Variants in SLC7A2 observed in about 807,000 individuals in gnomAD.
SLC7A2 encodes solute carrier family 7 member 2, also known as cationic amino acid transporter 2.
A neutral mutation model predicts 58.9 loss-of-function variants in SLC7A2; 48 were observed. That is an observed-to-expected ratio of 0.82 (90% CI 0.65 to 1.04). The LOEUF (loss-of-function observed/expected upper bound fraction) is 1.04, where lower values mean the gene tolerates loss of function less well. Among genes scored for constraint, SLC7A2 ranks in the 50% least tolerant of loss-of-function variants. The pLI is 0.00. For synonymous variants in SLC7A2, 363 were observed against 314.5 expected, an observed-to-expected ratio of 1.15 and a Z score of -1.63; for missense variants, 1,029 against 818.8, an observed-to-expected ratio of 1.26 and a Z score of -3.13.
rs576268892 is a variant in SLC7A2, at chr8:17,532,845, G to A, written c.-22-10473G>A. ...AAATATATCCATATACACATATATC[G>A]TACTACTCATGGAGTTTCTCAAATT... is the stretch of plus-strand genomic sequence containing the variant. On this transcript the variant is annotated intron_variant, in intron 2 of 12. Transcript: ENST00000494857. Among the ~76,000 whole-genome samples the A allele has an allele frequency of 1.2e-3, 182 of 152,152 alleles. No individual in the cohort carries two copies. In the Middle Eastern group the frequency reaches 0.014, roughly 11 times the overall value.
intron 1 of SLC7A2, among the ~76,000 whole-genome samples, chr8:17,499,830 C>G (rs2150634847): frequency 6.6e-6 from 1 of 152,184 alleles, no homozygotes; most frequent in South Asian, 2.1e-4. Context: ...TAGATACAAC[C>G]TTGAATGACA....
chr8:17,551,923 A>G lies in SLC7A2; in HGVS notation c.992A>G (p.Tyr331Cys), dbSNP rs1802471689. The change falls in exon 7 of 13, where the codon TAT (tyrosine) becomes TGT (cysteine). Residue 331 changes from tyrosine to cysteine, a missense_variant. Coordinates refer to ENST00000494857, the MANE Select transcript of SLC7A2 (RefSeq NM_001370338.1). The stretch of plus-strand genomic sequence containing the variant: ...AGCCCCCTTCCTGTAGCGTTTGAAT[A>G]TGTGGGATGGGGTCCTGCCAAATAT... Reference protein sequence around the residue: ...EKSPLPVAFEYVGWGPAKYVV... With the variant: ...EKSPLPVAFECVGWGPAKYVV... 1 of 1,613,956 alleles carries G rather than the reference A, an allele frequency of 6.2e-7. No individual in the cohort carries two copies. The highest frequency in any genetic ancestry group is 8.5e-7 in the Non-Finnish European group (1 of 1,179,992).
In SLC7A2 at chr8:17,562,180, A is replaced by ATTTTTTTTTTTTTTTTT. The variant is rs200130071; in HGVS notation, c.1671+89_1671+105dup. ...TCTCTGTATAATTAGTTTGGTAAGT[A>ATTTTTTTTTTTTTTTTT]TTTTTTTTTTTTTTTTTTTTTTTTT... On this transcript the variant is annotated intron_variant, in intron 11 of 12. Transcript: ENST00000494857. 33 of 594,390 alleles carry ATTTTTTTTTTTTTTTTT rather than the reference A, an allele frequency of 5.6e-5. 1 individual carries two copies. The highest frequency in any genetic ancestry group is 3.7e-4 in the African/African-American group (10 of 27,102). 36.8% of individuals were successfully genotyped at this position (594,390 alleles called of 1,614,324 possible). A position where few individuals can be genotyped will look rare whatever the true frequency, so the allele number is the denominator to read the frequency against.
chr8:17,498,905 G>C (rs900996317), intron 1 of SLC7A2: 4 of 152,264 alleles, frequency 2.6e-5, no homozygotes, highest in African/African-American at 9.7e-5. Flanking sequence ...AGCTGTGGCA[G>C]TTTAAAAAGC....
At chr8:17,507,259 A>C (rs1171974695) in intron 2 of SLC7A2, among the ~76,000 whole-genome samples, 6 of 152,074 alleles carry the variant, frequency 3.9e-5, no homozygotes, top group African/African-American at 1.4e-4. Flanking sequence ...TGGAATTTTT[A>C]AATTGGGGAT....
At chr8:17,520,483 A>C (rs1014533361) in intron 2 of SLC7A2, among the ~76,000 whole-genome samples, 14 of 151,722 alleles carry the variant, frequency 9.2e-5, no homozygotes, top group Non-Finnish European at 1.8e-4. Flanking sequence ...TCTACTAAAA[A>C]TACAAAAATT....
At chr8:17,529,187 C>A (rs1199056356) in intron 2 of SLC7A2, among the ~76,000 whole-genome samples, 2 of 152,226 alleles carry the variant, frequency 1.3e-5, no homozygotes, top group Non-Finnish European at 2.9e-5. Context: ...CTGCTGCACT[C>A]TGTTCAGTAG....
At chr8:17,512,879 C>G (rs191121133) in intron 2 of SLC7A2, among the ~76,000 whole-genome samples, 7 of 152,302 alleles carry the variant, frequency 4.6e-5, no homozygotes, top group African/African-American at 1.7e-4. Flanking sequence ...CATGTGGAAT[C>G]AGACAGTGTT....
chr8:17,503,968 G>A (rs1293772475), intron 2 of SLC7A2, among the ~76,000 whole-genome samples: 1 of 152,142 alleles, frequency 6.6e-6, no homozygotes, highest in African/African-American at 2.4e-5. Flanking sequence ...CAACACTCAG[G>A]TGTGTTTTGG....
chr8:17,543,594 C>A lies in SLC7A2; in HGVS notation c.255C>A (p.Cys85Ter). Reference protein sequence around the residue: ...AALASVMAGLCYAEFGARVPK... With the variant: ...AALASVMAGL ...TGGCTTCAGTGATGGCTGGCCTCTG[C>A]TATGCCGAATTTGGGGCCCGTGTTC... Residue 85 changes from cysteine to a stop codon, truncating the protein, a stop_gained, in exon 3 of 13, where the codon TGC (cysteine) becomes TGA (stop). Coordinates refer to ENST00000494857, the MANE Select transcript of SLC7A2 (RefSeq NM_001370338.1). LOFTEE classifies it high-confidence loss of function. 3.1e-6 allele frequency: 5 copies of A among 1,607,392 alleles called. No individual in the cohort carries two copies. Among genetic ancestry groups the A allele is most frequent in the Non-Finnish European group, 4.2e-6 (5 of 1,176,764 alleles).
intron 2 of SLC7A2, among the ~76,000 whole-genome samples, chr8:17,542,303 G>GT (rs1160102760): frequency 5.3e-5 from 8 of 152,314 alleles, no homozygotes; most frequent in Middle Eastern, 3.4e-3. Context: ...CCCCATCTAT[G>GT]TAAGAGATCA....
At chr8:17,519,093 T>A (rs1034000254) in intron 2 of SLC7A2, among the ~76,000 whole-genome samples, 1 of 152,176 alleles carries the variant, frequency 6.6e-6, no homozygotes, top group Non-Finnish European at 1.5e-5. Flanking sequence ...TACTATCACA[T>A]TGCAGGTCAG....
chr8:17,543,513 G>A lies in SLC7A2; in HGVS notation c.174G>A (p.Glu58=). The A allele has an allele frequency of 6.2e-7, 1 of 1,613,870 alleles. No homozygotes were observed. The highest frequency in any genetic ancestry group is 8.5e-7 in the Non-Finnish European group (1 of 1,179,916). ...CCGGGGTTTATGTCCTCGCTGGGGA[G>A]GTGGCCAAGGCAGACTCGGGCCCCA... ...LGAGVYVLAG[E]VAKADSGPSI... is the part of the protein sequence containing the mutation. The change falls in exon 3 of 13, where the codon GAG becomes GAA. Residue 58 remains glutamate (E), a synonymous_variant. Coordinates refer to ENST00000494857, the MANE Select transcript of SLC7A2 (RefSeq NM_001370338.1).
chr8:17,543,088 C>T (rs1377606681), intron 2 of SLC7A2, among the ~76,000 whole-genome samples: 1 of 152,044 alleles, frequency 6.6e-6, no homozygotes, highest in Non-Finnish European at 1.5e-5. Context: ...TATAAGGGGA[C>T]GTGTATGCTA....
intron 2 of SLC7A2, among the ~76,000 whole-genome samples, chr8:17,528,075 C>T (rs1270381424): frequency 3.9e-5 from 6 of 152,038 alleles, no homozygotes; most frequent in South Asian, 2.1e-4. Context: ...CAGTGCAGAA[C>T]GCCCTGGGGC....
intron 2 of SLC7A2, among the ~76,000 whole-genome samples, chr8:17,526,304 A>G (rs1801220915): frequency 6.6e-6 from 1 of 152,162 alleles, no homozygotes; most frequent in South Asian, 2.1e-4. Context: ...GGTTGATTGG[A>G]AGCTTGTAAA....
Position 17,570,422 on chromosome 8 carries a change from T to A in SLC7A2, c.*5276T>A, listed in dbSNP as rs898217707. ...TTAGTAGTAATTTTAAATTTAAATG[T>A]TTTAAGTGATCATCAGTGTTCCTTT... On this transcript the variant is annotated 3_prime_UTR_variant, in exon 13 of 13. Coordinates refer to ENST00000494857, the MANE Select transcript of SLC7A2 (RefSeq NM_001370338.1). 1 of 152,644 alleles carries A rather than the reference T, an allele frequency of 6.6e-6. No individual in the cohort carries two copies. Among genetic ancestry groups the A allele is most frequent in the Non-Finnish European group, 1.5e-5 (1 of 68,050 alleles). The allele number at this position is 152,644 out of a possible 1,614,324, so 9.5% of individuals were successfully genotyped here.
At chr8:17,509,942 C>T (rs34806950) in intron 2 of SLC7A2, among the ~76,000 whole-genome samples, 58,429 of 151,812 alleles carry the variant, frequency 0.38, 12,230 homozygotes, top group South Asian at 0.53. Context: ...AATTGAAGCC[C>T]GGTACAGTGG....
chr8:17,553,248 G>A (rs1224563898), intron 7 of SLC7A2, among the ~76,000 whole-genome samples: 2 of 152,022 alleles, frequency 1.3e-5, no homozygotes, highest in East Asian at 1.9e-4. Context: ...AGGAGGTCTC[G>A]CTAAGTTCCC....
Sources: allele counts gnomAD v4.1 joint callset (sites outside exome capture counted in the v4.1 genomes callset), GRCh38; gene constraint gnomAD v4.1.1; transcripts MANE v1.5; gene names NCBI Gene and HGNC (gene_info 2026-07-23, HGNC 2026-07-21).